HS1BP3: variants seen among roughly 807,000 people sequenced by gnomAD.
The protein encoded by HS1BP3 is HCLS1 binding protein 3, also known as HCLS1-binding protein 3.
Under a neutral mutation model 33.5 loss-of-function variants are expected in HS1BP3, and 32 were observed. The observed-to-expected ratio is 0.95, with a 90% CI of 0.72 to 1.28. The LOEUF (loss-of-function observed/expected upper bound fraction) is 1.28, where lower values mean the gene tolerates loss of function less well. Among genes scored for constraint, HS1BP3 ranks in the 50% most tolerant of loss-of-function variants. The probability of loss-of-function intolerance (pLI) is 0.00; values close to 1 mark genes in which losing one functional copy is unlikely to be tolerated. For missense variants in HS1BP3, 486 were observed against 502.3 expected (o/e 0.97, Z 0.31); for synonymous variants, 187 against 209.2 (o/e 0.89, Z 0.92).
chr2:20,577,107 C>T (rs1277927163), intron 5 of HS1BP3, among the ~76,000 whole-genome samples: 5 of 152,190 alleles, frequency 3.3e-5, no homozygotes, highest in Admixed American at 3.3e-4. Context: ...AAGGGCTTGT[C>T]ACTGGGCCTA....
chr2:20,554,845 A>T, the HS1BP3 span, among the ~76,000 whole-genome samples: 145,936 of 152,222 alleles, frequency 0.96, 70,269 homozygotes, highest in East Asian at 1. Context: ...GCTTCTTTGC[A>T]TACAAAAATA....
At chr2:20,559,737 TGGA>T, downstream of HS1BP3, among the ~76,000 whole-genome samples, 1 of 150,658 alleles carries the variant, frequency 6.6e-6, no homozygotes, top group Non-Finnish European at 1.5e-5. Context: ...GATGGATGGA[TGGA>T]TGGATGGATG....
chr2:20,649,016 C>T (rs562460134), intron 1 of HS1BP3, among the ~76,000 whole-genome samples: 3 of 151,812 alleles, frequency 2.0e-5, no homozygotes, highest in South Asian at 4.2e-4. Context: ...GCCATCACCC[C>T]GGGCCAAGCC....
chr2:20,561,912 A>G (rs1693007073), intron 5 of HS1BP3, among the ~76,000 whole-genome samples: 1 of 152,162 alleles, frequency 6.6e-6, no homozygotes, highest in Non-Finnish European at 1.5e-5. Flanking sequence ...TTCTAACCCT[A>G]GCGCCCAACC....
chr2:20,562,693 C>CCCTTAGCCTGTGGGA lies in HS1BP3; in HGVS notation c.303-2193_303-2179dup, dbSNP rs567646229. 3.3e-4 allele frequency among the ~76,000 whole-genome samples: 50 copies of CCCTTAGCCTGTGGGA among 152,202 alleles called. No homozygotes were observed. In the South Asian group the frequency reaches 9.8e-3, roughly 30 times the overall value. ...CAGGGGGCAGTGTTGTGGGACTGAG[C>CCCTTAGCCTGTGGGA]CCTTAGCCTGTGGGACTAGAAGCTG... On this transcript the variant is annotated intron_variant, in intron 5 of 5. Transcript: ENST00000446825.
At chr2:20,640,578 C>T in intron 3 of HS1BP3, 1 of 452,398 alleles carries the variant, frequency 2.2e-6, no homozygotes, top group Non-Finnish European at 3.9e-6. Flanking sequence ...ACACAGCTTT[C>T]CCGGGATACT....
intron 4 of HS1BP3, among the ~76,000 whole-genome samples, chr2:20,627,654 C>T (rs10186292): frequency 1.1e-4 from 17 of 152,064 alleles, no homozygotes; most frequent in South Asian, 4.1e-4. Flanking sequence ...ACAGCACACG[C>T]GGGCGGCTCC....
intron 4 of HS1BP3, among the ~76,000 whole-genome samples, chr2:20,625,811 G>A (rs1377284645): frequency 6.6e-6 from 1 of 152,204 alleles, no homozygotes; most frequent in African/African-American, 2.4e-5. Context: ...GTAGTTACGG[G>A]CTGGATAAGT....
intron 2 of HS1BP3, among the ~76,000 whole-genome samples, chr2:20,609,201 G>A (rs1188616890): frequency 6.6e-6 from 1 of 152,188 alleles, no homozygotes; most frequent in African/African-American, 2.4e-5. Context: ...CGCTGCATCA[G>A]GATCCTGGCC....
rs1450461474 is a variant in HS1BP3 at position 20,611,123 on chromosome 2, G to C, written c.178+12773C>G. ...GATATCCATTGTGGTATGTCTGTTA[G>C]AGGGTTTTTCCTTTTTGACGCTGCA... is the stretch of plus-strand genomic sequence containing the variant. On this transcript the variant is annotated intron_variant, in intron 2 of 3. Coordinates refer to the HS1BP3 transcript ENST00000415264. The surrounding 1 kb of genome is among the most constrained non-coding windows in gnomAD (Gnocchi z 4.9). Among the ~76,000 whole-genome samples the C allele has an allele frequency of 6.6e-6, 1 of 152,258 alleles. No homozygotes were observed. Among genetic ancestry groups the C allele is most frequent in the Non-Finnish European group, 1.5e-5 (1 of 68,046 alleles).
In HS1BP3 at chr2:20,573,532, A is replaced by T. The variant is rs569220030; in HGVS notation, c.303-13017T>A. Among the ~76,000 whole-genome samples, 3 of 152,246 alleles carry T rather than the reference A, an allele frequency of 2.0e-5. No individual in the cohort carries two copies. In the East Asian group the frequency reaches 5.8e-4, roughly 29 times the overall value. On this transcript the variant is annotated intron_variant, in intron 5 of 5. Coordinates refer to the HS1BP3 transcript ENST00000446825. ...TCATTTTGTAGACTGAAAACCTGAG[A>T]TTCACAGGTTCCCAAAAAAGGCCTG...
chr2:20,624,596 G>A, intron 5 of HS1BP3, 136 bp downstream of exon 5: 2 of 808,854 alleles, frequency 2.5e-6, no homozygotes, highest in South Asian at 4.3e-5. Context: ...GAAGCACAAA[G>A]CTGAGTCTAT....
At chr2:20,626,014 G>A (rs936589422) in intron 4 of HS1BP3, among the ~76,000 whole-genome samples, 1 of 152,246 alleles carries the variant, frequency 6.6e-6, no homozygotes, top group East Asian at 1.9e-4. Context: ...CTGAAATTCC[G>A]TGTGCCTGTC....
chr2:20,570,750 G>A (rs182051922), intron 5 of HS1BP3, among the ~76,000 whole-genome samples: 108 of 152,274 alleles, frequency 7.1e-4, no homozygotes, highest in Non-Finnish European at 1.3e-3. Flanking sequence ...TCTCAGAAAG[G>A]GGAACAAGCC....
At chr2:20,558,886 G>C (rs532718163), downstream of HS1BP3, among the ~76,000 whole-genome samples, 1 of 152,312 alleles carries the variant, frequency 6.6e-6, no homozygotes, top group African/African-American at 2.4e-5. Flanking sequence ...CATCTCAGGG[G>C]CAGGTCTGAG....
chr2:20,650,984 G>T (rs549432392), intron 1 of HS1BP3, 48 bp downstream of exon 1: 2 of 1,228,874 alleles, frequency 1.6e-6, no homozygotes, highest in South Asian at 4.1e-5. Flanking sequence ...CCGCCCGGGC[G>T]CCCCGGACTG....
chr2:20,554,071 T>C, the HS1BP3 span, among the ~76,000 whole-genome samples: 2 of 152,158 alleles, frequency 1.3e-5, no homozygotes, highest in Non-Finnish European at 2.9e-5. Flanking sequence ...AGATGACATC[T>C]ATGTTACATT....
chr2:20,599,653 G>C (rs933660764), intron 2 of HS1BP3, among the ~76,000 whole-genome samples: 11 of 116,218 alleles, frequency 9.5e-5, no homozygotes, highest in African/African-American at 2.5e-4. Flanking sequence ...CACACACTCT[G>C]TTTTTTTTTT....
intron 5 of HS1BP3, among the ~76,000 whole-genome samples, chr2:20,580,042 T>G (rs1171399709): frequency 6.6e-6 from 1 of 152,276 alleles, no homozygotes; most frequent in Non-Finnish European, 1.5e-5. Flanking sequence ...AGAAACTCCC[T>G]GAACTCATAC....
Sources: gnomAD v4.1 joint callset for allele counts (sites outside exome capture counted in the v4.1 genomes callset) on GRCh38, gnomAD v4.1.1 for gene constraint, Gnocchi (gnomAD v3.1) non-coding constraint, MANE v1.5 for transcripts, NCBI Gene and HGNC (gene_info 2026-07-23, HGNC 2026-07-21) for gene names.